The following SRGAP2B variants were observed in gnomAD, a reference collection of about 807,000 sequenced individuals.
SRGAP2B encodes the protein SLIT-ROBO Rho GTPase-activating protein 2B.
SRGAP2B carries 9 observed loss-of-function variants against 22.2 expected under a neutral mutation model. The ratio of observed to expected loss-of-function variants is 0.41; its 90% CI spans 0.24 to 0.71. The LOEUF is 0.71. Ranked by LOEUF, SRGAP2B falls within the 30% of genes least tolerant of loss-of-function variation. The pLI is 0.35. For missense variants in SRGAP2B, 114 were observed against 235.8 expected (o/e 0.48, Z 3.38); for synonymous variants, 36 against 87.4 (o/e 0.41, Z 3.28).
At chr1:145,031,536 GA>G (rs1465951761) in intron 2 of SRGAP2B, among the ~76,000 whole-genome samples, 1 of 132,416 alleles carries the variant, frequency 7.6e-6, no homozygotes, top group African/African-American at 3.5e-5. Context: ...CCTAAATTTT[GA>G]GCCTCTAGCA....
At chr1:145,011,017 TCCCAACCCACCTA>T (rs1553622190) in intron 2 of SRGAP2B, among the ~76,000 whole-genome samples, 1 of 77,252 alleles carries the variant, frequency 1.3e-5, no homozygotes, top group Non-Finnish European at 2.5e-5. Flanking sequence ...TCTTCCCTTC[TCCCAACCCACCTA>T]CCTTTTCATC....
At chr1:144,966,917 G>GATC (rs1558787824) in intron 3 of SRGAP2B, among the ~76,000 whole-genome samples, 4 of 145,550 alleles carry the variant, frequency 2.7e-5, no homozygotes, top group Non-Finnish European at 5.9e-5. Context: ...ATGGTAAAGG[G>GATC]ATCAATTCAA....
At chr1:145,009,500 A>G (rs1418066883) in intron 2 of SRGAP2B, among the ~76,000 whole-genome samples, 3 of 146,142 alleles carry the variant, frequency 2.1e-5, no homozygotes, top group Non-Finnish European at 4.5e-5. Context: ...AGGCAGGAGA[A>G]TGGCGTGAAC....
rs1340328695 is a variant in SRGAP2B, at chr1:144,973,289, G to A, written c.261-17688C>T. On this transcript the variant is annotated intron_variant, in intron 3 of 9. Transcript: ENST00000612199. The stretch of plus-strand genomic sequence containing the variant: ...AATGTTTTAAAGTCACTGCTCCAGA[G>A]TAATGGTCTTAAATTATGGGAGATA... Among the ~76,000 whole-genome samples the A allele has an allele frequency of 4.1e-5, 6 of 146,624 alleles. No homozygotes were observed. In the East Asian group the frequency reaches 1.2e-3, roughly 28 times the overall value.
intron 2 of SRGAP2B, among the ~76,000 whole-genome samples, chr1:145,080,656 T>C (rs1486233051): frequency 6.8e-6 from 1 of 147,780 alleles, no homozygotes; most frequent in Non-Finnish European, 1.5e-5. Flanking sequence ...GTTCAAGCAA[T>C]TCTCCTGCCT....
chr1:144,927,425 A>G (rs1159755797), intron 4 of SRGAP2B, among the ~76,000 whole-genome samples: 11 of 150,706 alleles, frequency 7.3e-5, no homozygotes, highest in African/African-American at 2.2e-4. Flanking sequence ...TCTTTAGTTC[A>G]CCTTCATTTT....
intron 4 of SRGAP2B, among the ~76,000 whole-genome samples, 162 bp downstream of exon 4, chr1:144,955,277 G>T (rs1553610051): frequency 6.9e-6 from 1 of 145,626 alleles, no homozygotes; most frequent in Admixed American, 6.8e-5. Flanking sequence ...TAGGTTCAAG[G>T]GGGGTATATG....
intron 2 of SRGAP2B, among the ~76,000 whole-genome samples, chr1:145,041,074 A>AAT (rs1649178121): frequency 1.4e-5 from 1 of 73,358 alleles, no homozygotes; most frequent in Non-Finnish European, 2.4e-5. Context: ...GTATATATAT[A>AAT]GTATATATAT....
intron 3 of SRGAP2B, among the ~76,000 whole-genome samples, chr1:144,970,647 A>AG (rs1289664773): frequency 6.8e-6 from 1 of 147,114 alleles, no homozygotes; most frequent in Non-Finnish European, 1.5e-5. Context: ...TAAAGTATTA[A>AG]AAAAAAAAAA....
At chr1:144,905,930 C>T in exon 6 of SRGAP2B, 2 of 706,452 alleles carry the variant, frequency 2.8e-6, no homozygotes, top group South Asian at 3.0e-5. Context: ...CGAACGTTGG[C>T]CGTGGAGTCA....
Position 144,903,908 on chromosome 1 carries a change from AC to A in SRGAP2B, c.831+1182del, listed in dbSNP as rs1462167614. On this transcript the variant is annotated intron_variant, in intron 7 of 9. Coordinates refer to ENST00000612199, the Ensembl canonical transcript of SRGAP2B. ...AGAAAGGGTGTAATTACATAGCTTC[AC>A]TTAGGTGTGGCTCAGGACCTGGGCC... 6.9e-5 allele frequency among the ~76,000 whole-genome samples: 10 copies of A among 145,438 alleles called. No homozygotes were observed. The East Asian group carries it at 2.0e-3, about 30-fold the overall frequency.
At chr1:145,041,478 A>AC (rs1205189388) in intron 2 of SRGAP2B, among the ~76,000 whole-genome samples, 3 of 125,508 alleles carry the variant, frequency 2.4e-5, no homozygotes, top group African/African-American at 1.0e-4. Flanking sequence ...CAAGAGTGAG[A>AC]CCCCATCTCA....
At chr1:144,925,822 C>T (rs1469073479) in intron 4 of SRGAP2B, among the ~76,000 whole-genome samples, 8 of 131,994 alleles carry the variant, frequency 6.1e-5, no homozygotes, top group Non-Finnish European at 1.1e-4. Context: ...AAGGAATCTA[C>T]CTGGCCTGAT....
At chr1:144,986,897 C>T (rs1669761097) in intron 3 of SRGAP2B, among the ~76,000 whole-genome samples, 1 of 150,946 alleles carries the variant, frequency 6.6e-6, no homozygotes, top group Non-Finnish European at 1.5e-5. Flanking sequence ...ATAAGTTATC[C>T]ATCAGCCTTT....
chr1:145,082,393 C>T (rs1166666232), intron 2 of SRGAP2B, among the ~76,000 whole-genome samples: 1 of 145,710 alleles, frequency 6.9e-6, no homozygotes, highest in South Asian at 2.2e-4. Flanking sequence ...AAAACAGTTC[C>T]TTTTTCAGGT....
chr1:144,902,761 C>CAA (rs3976117), intron 7 of SRGAP2B, among the ~76,000 whole-genome samples: 17 of 100,560 alleles, frequency 1.7e-4, no homozygotes, highest in Admixed American at 3.3e-4. Flanking sequence ...GACTCCTTCT[C>CAA]AAAAAAAAAA....
Position 144,905,713 on chromosome 1 carries a change from A to G in SRGAP2B, c.702+146T>C, listed in dbSNP as rs1200213111. On this transcript the variant is annotated intron_variant, in intron 6 of 9. Transcript: ENST00000612199. ...ACCTAGTATTCCTGCCAGGGCACAG[A>G]GCAAGGCCTCATTTTCAGTCATTAG... is the stretch of plus-strand genomic sequence containing the variant. 29 of 649,904 alleles carry G rather than the reference A, an allele frequency of 4.5e-5. 2 individuals are homozygous for G. The East Asian group carries it at 6.7e-4, about 15-fold the overall frequency. 40.3% of individuals were successfully genotyped at this position (649,904 alleles called of 1,614,324 possible). A position where few individuals can be genotyped will look rare whatever the true frequency, so the allele number is the denominator to read the frequency against.
In SRGAP2B at chr1:145,076,350, C is replaced by T. The variant is rs1314465829; in HGVS notation, c.67+16485G>A. On this transcript the variant is annotated intron_variant, in intron 2 of 9. Coordinates refer to ENST00000612199, the Ensembl canonical transcript of SRGAP2B. ...CTTATCTCTATTTTCTAAAAAATAC[C>T]TGTATACACAAAAATCTATAATGAA... 5.3e-5 allele frequency among the ~76,000 whole-genome samples: 8 copies of T among 149,708 alleles called. 1 individual carries two copies. The highest frequency in any genetic ancestry group is 2.0e-4 in the African/African-American group (8 of 39,818).
intron 3 of SRGAP2B, among the ~76,000 whole-genome samples, chr1:144,971,518 C>T (rs1276330205): frequency 6.6e-6 from 1 of 150,572 alleles, no homozygotes; most frequent in Non-Finnish European, 1.5e-5. Context: ...TAGCCTCAAA[C>T]TCCTGGGCTC....
Sources: allele counts gnomAD v4.1 joint callset (sites outside exome capture counted in the v4.1 genomes callset), GRCh38; gene constraint gnomAD v4.1.1; transcripts MANE v1.5; gene names NCBI Gene and HGNC (gene_info 2026-07-23, HGNC 2026-07-21).